The following CSMD2 variants were observed in gnomAD, a reference collection of about 807,000 sequenced individuals.
CSMD2 encodes the protein CUB and sushi domain-containing protein 2.
CSMD2 carries 130 observed loss-of-function variants against 398.5 expected under a neutral mutation model. The observed-to-expected ratio is 0.33, with a 90% CI of 0.28 to 0.38. CSMD2 has a LOEUF of 0.38. Among genes scored for constraint, CSMD2 ranks in the 10% least tolerant of loss-of-function variants. CSMD2 has a pLI of 1.00. For synonymous variants in CSMD2, 1,828 were observed against 1,908.5 expected (o/e 0.96, Z 1.10); for missense variants, 3,829 against 4,764.9 (o/e 0.80, Z 5.78).
At chr1:34,016,013 C>CTGTGTGTGTGTGTG (rs72213161) in intron 3 of CSMD2, among the ~76,000 whole-genome samples, 2 of 148,998 alleles carry the variant, frequency 1.3e-5, no homozygotes, top group African/African-American at 2.5e-5. Context: ...ACTCCTTGCT[C>CTGTGTGTGTGTGTG]TGTGTGTGTG....
At chr1:33,544,831 T>TTTTATATATATATATATATATATATA (rs1344119444) in intron 57 of CSMD2, among the ~76,000 whole-genome samples, 11 of 142,012 alleles carry the variant, frequency 7.7e-5, no homozygotes, top group Non-Finnish European at 1.4e-4. Flanking sequence ...CACTGTGCAT[T>TTTTATATATATATATATATATATATA]TATATATATA....
chr1:33,570,582 A>C (rs917696646), intron 51 of CSMD2, among the ~76,000 whole-genome samples: 6 of 152,122 alleles, frequency 3.9e-5, no homozygotes, highest in Non-Finnish European at 8.8e-5. Context: ...TGCATTGGTC[A>C]CATAAATATG....
intron 29 of CSMD2, among the ~76,000 whole-genome samples, chr1:33,641,390 C>T (rs1304970161): frequency 1.3e-5 from 2 of 152,196 alleles, no homozygotes; most frequent in African/African-American, 4.8e-5. Context: ...AAGGCTGCCA[C>T]ACATGCTGGT....
Position 33,616,947 on chromosome 1 carries a change from C to A in CSMD2, c.5975G>T (p.Gly1992Val). 6.2e-7 allele frequency: 1 copy of A among 1,614,142 alleles called. No individual in the cohort carries two copies. The highest frequency in any genetic ancestry group is 1.1e-5 in the South Asian group (1 of 91,068). The change falls in exon 39 of 71, where the codon GGA becomes GTA. Residue 1992 changes from glycine to valine, a missense_variant. This residue lies in a region of CSMD2 where 2,001 missense variants were observed against 2,567.1 expected (regional missense o/e 0.78). Transcript: ENST00000373381. Reference sequence around the variant, plus strand: ...AGGGTAGTTCCATCGCCGCACTGTTCCGGGCATGCAGGAGATGTGGGCGTG... The same window carrying A: ...AGGGTAGTTCCATCGCCGCACTGTTACGGGCATGCAGGAGATGTGGGCGTG... ...QGHAHISCMPGTVRRWNYPPP... is the reference protein window; with the variant it reads ...QGHAHISCMPVTVRRWNYPPP...
intron 5 of CSMD2, among the ~76,000 whole-genome samples, chr1:33,905,482 C>A (rs889836999): frequency 6.6e-6 from 1 of 152,146 alleles, no homozygotes; most frequent in African/African-American, 2.4e-5. Context: ...CTGGAATGGG[C>A]AACCTGGAGG....
intron 13 of CSMD2, among the ~76,000 whole-genome samples, chr1:33,748,801 G>A (rs571694878): frequency 6.6e-6 from 1 of 152,236 alleles, no homozygotes; most frequent in African/African-American, 2.4e-5. Flanking sequence ...AATATTATGA[G>A]TGTGTATATT....
intron 5 of CSMD2, among the ~76,000 whole-genome samples, chr1:33,909,956 C>A (rs1643356878): frequency 6.6e-6 from 1 of 152,174 alleles, no homozygotes; most frequent in African/African-American, 2.4e-5. Context: ...CAGCCCACTT[C>A]TTCTCCTGTG....
intron 15 of CSMD2, among the ~76,000 whole-genome samples, chr1:33,728,404 T>C (rs1646612601): frequency 6.6e-6 from 1 of 152,160 alleles, no homozygotes; most frequent in African/African-American, 2.4e-5. Context: ...TAGAAACTTA[T>C]ATTAGGAAGT....
intron 25 of CSMD2, among the ~76,000 whole-genome samples, chr1:33,688,676 C>G (rs1309307441): frequency 6.6e-6 from 1 of 151,946 alleles, no homozygotes; most frequent in African/African-American, 2.4e-5. Flanking sequence ...ATTAGCCAGG[C>G]GTGATGGCGC....
At chr1:34,110,577 C>T (rs1431426792) in intron 1 of CSMD2, among the ~76,000 whole-genome samples, 2 of 152,020 alleles carry the variant, frequency 1.3e-5, no homozygotes, top group African/African-American at 4.8e-5. Context: ...TTAAGATCTC[C>T]ATCTTAAGCT....
chr1:33,850,212 A>G (rs1638602096), intron 5 of CSMD2, among the ~76,000 whole-genome samples: 1 of 151,630 alleles, frequency 6.6e-6, no homozygotes. Context: ...CCTGCCTTTC[A>G]CCCTGAGTGT....
chr1:34,083,825 G>T (rs1657542817), intron 2 of CSMD2, among the ~76,000 whole-genome samples: 1 of 152,126 alleles, frequency 6.6e-6, no homozygotes, highest in Non-Finnish European at 1.5e-5. Flanking sequence ...GGGCTGAAGT[G>T]GGGGAAGTGC....
intron 64 of CSMD2, among the ~76,000 whole-genome samples, chr1:33,527,932 C>T (rs1381916230): frequency 4.3e-5 from 5 of 116,410 alleles, no homozygotes; most frequent in African/African-American, 1.4e-4. Flanking sequence ...CGGAGTGAGA[C>T]TCTGTCTCAA....
intron 2 of CSMD2, among the ~76,000 whole-genome samples, chr1:34,060,411 T>C (rs1457656896): frequency 1.3e-5 from 2 of 152,214 alleles, no homozygotes; most frequent in Non-Finnish European, 2.9e-5. Flanking sequence ...AATGTATTTA[T>C]ATACTGAAAA....
In CSMD2 at chr1:33,614,589, C is replaced by T. The variant is rs1176521134; in HGVS notation, c.6048G>A (p.Glu2016=). ...GGAAGCCGGGGCTCAGGATCACCCC[C>T]TCCATCTCCTCCACTGTTCCCCCAC... ...AQCGGTVEEM[E]GVILSPGFPG... Residue 2016 remains glutamate, a synonymous_variant, in exon 40 of 71, where the codon GAG becomes GAA. Coordinates refer to ENST00000373381, the MANE Select transcript of CSMD2 (RefSeq NM_001281956.2). The T allele has an allele frequency of 1.9e-6, 3 of 1,611,106 alleles. No individual in the cohort carries two copies. In the South Asian group the frequency reaches 3.3e-5, roughly 18 times the overall value.
chr1:33,857,456 G>C (rs147016735), intron 5 of CSMD2, among the ~76,000 whole-genome samples: 1 of 152,136 alleles, frequency 6.6e-6, no homozygotes, highest in East Asian at 1.9e-4. Flanking sequence ...GCTGGCCCCA[G>C]GGATGGCCAG....
chr1:33,669,799 A>G (rs1644432570), intron 25 of CSMD2, among the ~76,000 whole-genome samples: 1 of 152,172 alleles, frequency 6.6e-6, no homozygotes, highest in South Asian at 2.1e-4. Context: ...AAGAGAAAAG[A>G]GAGGGAGATT....
intron 5 of CSMD2, among the ~76,000 whole-genome samples, chr1:33,867,725 C>T (rs571589780): frequency 3.3e-5 from 5 of 152,198 alleles, no homozygotes; most frequent in Admixed American, 6.5e-5. Flanking sequence ...CACCTCCCAC[C>T]GTCCAGTGCT....
intron 24 of CSMD2, among the ~76,000 whole-genome samples, chr1:33,693,311 A>G (rs1395765450): frequency 6.6e-6 from 1 of 152,252 alleles, no homozygotes; most frequent in Non-Finnish European, 1.5e-5. Flanking sequence ...CATTTCTCCA[A>G]AGAGGATATA....
Sources: gnomAD v4.1 joint callset for allele counts (sites outside exome capture counted in the v4.1 genomes callset) on GRCh38, gnomAD v4.1.1 for gene constraint, gnomAD v4.1.1 regional missense constraint, MANE v1.5 for transcripts, NCBI Gene and HGNC (gene_info 2026-07-23, HGNC 2026-07-21) for gene names.